The following RBFOX1 variants were observed in gnomAD, a reference collection of about 807,000 sequenced individuals.
RBFOX1 encodes the protein RNA binding protein fox-1 homolog 1.
In RBFOX1, 8 loss-of-function variants were observed where a neutral mutation model predicts 57.7. That is an observed-to-expected ratio of 0.14 (90% CI 0.08 to 0.25). The LOEUF (loss-of-function observed/expected upper bound fraction) is 0.25. Among genes scored for constraint, RBFOX1 ranks in the 10% least tolerant of loss-of-function variants. RBFOX1 has a pLI of 1.00. For synonymous variants in RBFOX1, 326 were observed against 222.4 expected (o/e 1.47, Z -4.15); for missense variants, 611 against 548.5 (o/e 1.11, Z -1.14).
intron 3 of RBFOX1, among the ~76,000 whole-genome samples, chr16:5,663,522 A>G (rs978261701): frequency 2.0e-5 from 3 of 152,308 alleles, no homozygotes; most frequent in African/African-American, 2.4e-5. Context: ...CCTATTGAAT[A>G]GCCAATTGAA....
At chr16:5,376,694 C>T (rs1175106631) in intron 1 of RBFOX1, among the ~76,000 whole-genome samples, 2 of 147,296 alleles carry the variant, frequency 1.4e-5, no homozygotes, top group East Asian at 3.9e-4. Flanking sequence ...TTCTTGTCCC[C>T]TTGGAACTCA....
intron 3 of RBFOX1, among the ~76,000 whole-genome samples, chr16:5,714,589 T>C: frequency 6.6e-6 from 1 of 152,216 alleles, no homozygotes; most frequent in East Asian, 1.9e-4. Context: ...GTTGTGGTGT[T>C]TGTTATACAG....
intron 3 of RBFOX1, among the ~76,000 whole-genome samples, chr16:6,845,229 AT>A (rs1439256147): frequency 6.7e-6 from 1 of 149,122 alleles, no homozygotes; most frequent in East Asian, 2.0e-4. Context: ...TGCTTTTGGC[AT>A]TTTCGTTATG....
At chr16:7,390,733 A>G (rs893371982) in intron 4 of RBFOX1, among the ~76,000 whole-genome samples, 1 of 152,196 alleles carries the variant, frequency 6.6e-6, no homozygotes, top group Non-Finnish European at 1.5e-5. Context: ...AGAACTGACA[A>G]TGCATTTAGA....
chr16:5,821,288 C>CTTTTTTTTTTTTTTTTTTTTTTTTT (rs748095632), intron 3 of RBFOX1, among the ~76,000 whole-genome samples: 1 of 125,450 alleles, frequency 8.0e-6, no homozygotes. Flanking sequence ...GTCATTCTCT[C>CTTTTTTTTTTTTTTTTTTTTTTTTT]TTTTTTTATT....
chr16:7,299,454 G>A (rs1469724664), intron 4 of RBFOX1, among the ~76,000 whole-genome samples: 2 of 152,142 alleles, frequency 1.3e-5, no homozygotes, highest in East Asian at 3.9e-4. Context: ...AGGAGTTTGA[G>A]GGTCCTTTAC....
chr16:6,323,283 C>T (rs574668051), intron 2 of RBFOX1, among the ~76,000 whole-genome samples: 2 of 152,122 alleles, frequency 1.3e-5, no homozygotes, highest in Non-Finnish European at 2.9e-5. Flanking sequence ...GGCAGCACCC[C>T]ACTGTCAGCC....
chr16:7,167,648 C>G (rs2079841673), intron 4 of RBFOX1, among the ~76,000 whole-genome samples: 1 of 152,204 alleles, frequency 6.6e-6, no homozygotes, highest in Non-Finnish European at 1.5e-5. Flanking sequence ...GTTGTTACTG[C>G]AGCCCTAGGA....
chr16:6,285,631 G>A (rs2076826862), intron 1 of RBFOX1, among the ~76,000 whole-genome samples: 1 of 152,150 alleles, frequency 6.6e-6, no homozygotes, highest in Admixed American at 6.5e-5. Context: ...TTTTTAGGAT[G>A]TAAATGACCA....
At chr16:6,860,533 A>C (rs963979878) in intron 3 of RBFOX1, among the ~76,000 whole-genome samples, 2 of 152,212 alleles carry the variant, frequency 1.3e-5, no homozygotes, top group African/African-American at 4.8e-5. Flanking sequence ...TTCAAGATGC[A>C]TGTAGTTTTG....
At chr16:5,878,630 C>G (rs913709613) in intron 4 of RBFOX1, among the ~76,000 whole-genome samples, 2 of 152,086 alleles carry the variant, frequency 1.3e-5, no homozygotes, top group Admixed American at 1.3e-4. Flanking sequence ...GCCTGATTCC[C>G]GGCACTAATG....
rs567243941 is a variant in RBFOX1 at position 5,975,102 on chromosome 16, A to G, written c.351+107767A>G. ...TTTTTAATAAGTTGAAACAACAACA[A>G]CAAAAGTGCCTTTGATGCCTATGTT... On this transcript the variant is annotated intron_variant, in intron 4 of 19. Coordinates refer to the RBFOX1 transcript ENST00000641259. 4.7e-4 allele frequency among the ~76,000 whole-genome samples: 71 copies of G among 152,360 alleles called. 1 individual carries two copies. The highest frequency in any genetic ancestry group is 1.6e-3 in the African/African-American group (66 of 41,580).
At chr16:6,844,485 C>A (rs2093655639) in intron 3 of RBFOX1, among the ~76,000 whole-genome samples, 1 of 152,144 alleles carries the variant, frequency 6.6e-6, no homozygotes, top group Non-Finnish European at 1.5e-5. Context: ...CTTCCAACTC[C>A]ATCTATGTCT....
At chr16:5,509,552 G>A (rs1219436818) in intron 2 of RBFOX1, among the ~76,000 whole-genome samples, 1 of 152,244 alleles carries the variant, frequency 6.6e-6, no homozygotes, top group Non-Finnish European at 1.5e-5. Context: ...GCGGCCCAGA[G>A]GGTGTAGGTG....
At chr16:5,818,525 G>A (rs1005879641) in intron 3 of RBFOX1, among the ~76,000 whole-genome samples, 3 of 152,154 alleles carry the variant, frequency 2.0e-5, no homozygotes, top group Admixed American at 6.5e-5. Context: ...TCTGAAATCC[G>A]TCTCGGAAGA....
Position 7,709,108 on chromosome 16 carries a change from C to G in RBFOX1, c.1048C>G (p.Pro350Ala). ...DPYHHALAPA[P>A]TYGVGAMNAF... is the part of the protein sequence containing the mutation. ...CTACCACCACGCACTTGCTCCAGCC[C>G]CCACCTACGGCGTTGGTGCCATGGT... Residue 350 changes from proline to alanine, a missense_variant, in exon 15 of 16, where the codon CCC (proline) becomes GCC (alanine). Pro to Ala is a conservative substitution (Grantham distance 27). This residue lies in a region of RBFOX1 where 267 missense variants were observed against 229.1 expected (regional missense o/e 1.17). Coordinates refer to ENST00000550418, the MANE Select transcript of RBFOX1 (RefSeq NM_018723.4). The G allele has an allele frequency of 6.2e-7, 1 of 1,613,816 alleles. No homozygotes were observed. The highest frequency in any genetic ancestry group is 8.5e-7 in the Non-Finnish European group (1 of 1,179,812).
At chr16:5,848,954 A>G (rs1354420845) in intron 3 of RBFOX1, among the ~76,000 whole-genome samples, 1 of 146,092 alleles carries the variant, frequency 6.8e-6, no homozygotes, top group Non-Finnish European at 1.5e-5. Flanking sequence ...ATCTCAAAAA[A>G]CAAAAAAACA....
chr16:6,928,148 G>T (rs184003668), intron 3 of RBFOX1, among the ~76,000 whole-genome samples: 4 of 152,258 alleles, frequency 2.6e-5, no homozygotes, highest in East Asian at 3.9e-4. Flanking sequence ...TGTGATTGGG[G>T]TTTTCAGCAT....
chr16:7,037,686 T>C (rs2153701524), intron 3 of RBFOX1, among the ~76,000 whole-genome samples: 1 of 152,350 alleles, frequency 6.6e-6, no homozygotes, highest in Non-Finnish European at 1.5e-5. Flanking sequence ...AATCATGTGA[T>C]GACCCTGTGG....
Sources: gnomAD v4.1 joint callset for allele counts (sites outside exome capture counted in the v4.1 genomes callset) on GRCh38, gnomAD v4.1.1 for gene constraint, gnomAD v4.1.1 regional missense constraint, MANE v1.5 for transcripts, NCBI Gene and HGNC (gene_info 2026-07-23, HGNC 2026-07-21) for gene names.